The following SPRTN variants were observed in gnomAD, a reference collection of about 807,000 sequenced individuals.
SPRTN encodes DNA-dependent metalloprotease SPRTN.
A neutral mutation model predicts 31.9 loss-of-function variants in SPRTN; 11 were observed. That is an observed-to-expected ratio of 0.34 (90% confidence interval 0.22 to 0.57). The LOEUF is 0.57. Among genes scored for constraint, SPRTN ranks in the 20% least tolerant of loss-of-function variants. SPRTN has a pLI of 0.86. For missense variants in SPRTN, 482 were observed against 590.1 expected (o/e 0.82, Z 1.90); for synonymous variants, 185 against 212.1 (o/e 0.87, Z 1.11).
rs762633748 is a variant in SPRTN at position 231,352,669 on chromosome 1, C to G, written c.778C>G (p.Leu260Val). 56 of 1,613,406 alleles carry G rather than the reference C, an allele frequency of 3.5e-5. 1 individual carries two copies. Among genetic ancestry groups the G allele is most frequent in the Non-Finnish European group, 4.6e-5 (54 of 1,179,768 alleles). Residue 260 changes from leucine (L) to valine (V), a missense_variant, in exon 5 of 5, where the codon CTA becomes GTA. Physicochemically the swap from Leu to Val is conservative, Grantham distance 32 (BLOSUM62 1). Around this residue, in one of 2 missense-constraint regions of SPRTN, gnomAD observed 325 missense variants for 350.2 expected, o/e 0.93. Transcript: ENST00000295050. ...VIPFSGKGYVLGETSNLPSPG... is the reference protein window; with the variant it reads ...VIPFSGKGYVVGETSNLPSPG... ...CCCTTTTAGTGGGAAAGGATATGTT[C>G]TAGGAGAAACAAGCAATTTACCTTC...
At chr1:231,352,242 C>T (rs1482027019) in intron 4 of SPRTN, 2 of 1,005,492 alleles carry the variant, frequency 2.0e-6, no homozygotes, top group Non-Finnish European at 2.4e-6. Flanking sequence ...TATGGAAAGA[C>T]CGTATCTTCA....
intron 2 of SPRTN, among the ~76,000 whole-genome samples, chr1:231,347,500 T>A (rs1404760837): frequency 2.6e-5 from 4 of 152,004 alleles, no homozygotes; most frequent in African/African-American, 4.8e-5. Context: ...GTAGCTGGGA[T>A]TACAGGCATG....
rs780114530 is a variant in SPRTN, at chr1:231,339,872, T to A, written c.321+4T>A. On this transcript the variant is annotated splice_donor_region_variant and intron_variant, in intron 2 of 4. Transcript: ENST00000295050. ...GCCAAGAAAGGATCTTGTAGAGGTA[T>A]TTTTCGTGTAAACTTGCTTCCTAGC... The A allele has an allele frequency of 8.1e-6, 13 of 1,613,522 alleles. No homozygotes were observed. The highest frequency in any genetic ancestry group is 1.0e-5 in the Non-Finnish European group (12 of 1,179,668).
rs535278554 is a variant in SPRTN at position 231,340,055 on chromosome 1, A to C, written c.321+187A>C. 1,272 of 500,410 alleles carry C rather than the reference A, an allele frequency of 2.5e-3. 21 individuals carry two copies. Among genetic ancestry groups the C allele is most frequent in the Non-Finnish European group, 3.6e-3 (1,052 of 288,290 alleles). 31.0% of individuals were successfully genotyped at this position (500,410 alleles called of 1,614,324 possible). A position where few individuals can be genotyped will look rare whatever the true frequency, so the allele number is the denominator to read the frequency against. ...TTTATAGTGCTTCATAGTAAAAAAA[A>C]AAAAAACAAAAAAAAGGCTTCTAGG... On this transcript the variant is annotated intron_variant, in intron 2 of 4. Transcript: ENST00000295050.
intron 2 of SPRTN, among the ~76,000 whole-genome samples, chr1:231,343,379 C>G (rs1686961389): frequency 6.6e-6 from 1 of 152,042 alleles, no homozygotes; most frequent in Non-Finnish European, 1.5e-5. Context: ...TGTAAGTACA[C>G]TCTTAAGATG....
At position 231,352,926 on chromosome 1, in the gene SPRTN, T is replaced by C. The variant is rs534347066; in HGVS notation, c.1035T>C (p.Gly345=). The part of the protein sequence containing the change: ...VSFANQKAFR[G]VNGSPRISVT... ...TTGCCAACCAAAAGGCTTTCAGAGGTGTGAATGGATCTCCAAGGATAAGTG... is the reference window on the plus strand; with the variant it reads ...TTGCCAACCAAAAGGCTTTCAGAGGCGTGAATGGATCTCCAAGGATAAGTG... The change falls in exon 5 of 5, where the codon GGT becomes GGC. Residue 345 remains glycine, a synonymous_variant. Coordinates refer to ENST00000295050, the MANE Select transcript of SPRTN (RefSeq NM_032018.7). 111 of 1,614,072 alleles carry C rather than the reference T, an allele frequency of 6.9e-5. 2 individuals carry two copies. The South Asian group carries it at 1.1e-3, about 16-fold the overall frequency.
chr1:231,341,900 C>T (rs942891992), intron 2 of SPRTN, among the ~76,000 whole-genome samples: 2 of 152,118 alleles, frequency 1.3e-5, no homozygotes, highest in East Asian at 1.9e-4. Flanking sequence ...GCACAAGAAT[C>T]GCATGAACTC....
Position 231,353,357 on chromosome 1 carries a change from T to A in SPRTN, c.1466T>A (p.Leu489His), listed in dbSNP as rs1687299922. 1 of 1,574,846 alleles carries A rather than the reference T, an allele frequency of 6.3e-7. No homozygotes were observed. The highest frequency in any genetic ancestry group is 1.4e-5 in the African/African-American group (1 of 73,034). ...ATCAAAGTCAAAAGCGAAGAAAGTCTTTGAAAAAGGTTTCAAAGTCTCAAG... is the reference window on the plus strand; with the variant it reads ...ATCAAAGTCAAAAGCGAAGAAAGTCATTGAAAAAGGTTTCAAAGTCTCAAG... ...DSIKVKSEES[L>H] The change falls in exon 5 of 5, where the codon CTT (leucine) becomes CAT (histidine). Residue 489 changes from leucine to histidine, a missense_variant. Leu to His is a moderately conservative substitution (Grantham distance 99). Coordinates refer to ENST00000295050, the MANE Select transcript of SPRTN (RefSeq NM_032018.7).
intron 1 of SPRTN, 51 bp from the exon 2 acceptor site, chr1:231,339,718 C>G (rs1686805496): frequency 3.8e-6 from 6 of 1,582,918 alleles, no homozygotes; most frequent in Non-Finnish European, 5.2e-6. Context: ...TGTGTAAGGA[C>G]TTGGGCATAT....
In SPRTN at chr1:231,339,744, C is replaced by T. The variant is rs777051202; in HGVS notation, c.222-25C>T. ...TTGGGCATATTTGGCCAATGTAACACATTTTTATGGTGATTGTTTTCTAGG... is the reference window on the plus strand; with the variant it reads ...TTGGGCATATTTGGCCAATGTAACATATTTTTATGGTGATTGTTTTCTAGG... On this transcript the variant is annotated intron_variant, in intron 1 of 4. Coordinates refer to ENST00000295050, the MANE Select transcript of SPRTN (RefSeq NM_032018.7). 5 of 1,612,708 alleles carry T rather than the reference C, an allele frequency of 3.1e-6. No individual in the cohort carries two copies. In the African/African-American group the frequency reaches 6.7e-5, roughly 22 times the overall value.
chr1:231,344,557 A>G (rs1183277840), intron 2 of SPRTN: 1 of 178,278 alleles, frequency 5.6e-6, no homozygotes, highest in African/African-American at 2.4e-5. Flanking sequence ...GATACAGTTG[A>G]TAATTTTTAG....
intron 2 of SPRTN, among the ~76,000 whole-genome samples, chr1:231,340,284 A>G (rs565863698): frequency 1.5e-4 from 23 of 151,998 alleles, no homozygotes; most frequent in Admixed American, 2.0e-4. Context: ...GGAGAATGGC[A>G]TGAACTGAGG....
At position 231,354,072 on chromosome 1, in the gene SPRTN, C is replaced by A. The variant is rs1687321717; in HGVS notation, c.*711C>A. 3.1e-6 allele frequency: 3 copies of A among 981,268 alleles called. No individual in the cohort carries two copies. The Admixed American group carries it at 1.8e-4, about 60-fold the overall frequency. 60.8% of individuals were successfully genotyped at this position (981,268 alleles called of 1,614,324 possible). On this transcript the variant is annotated 3_prime_UTR_variant, in exon 5 of 5. Coordinates refer to ENST00000295050, the MANE Select transcript of SPRTN (RefSeq NM_032018.7). ...ATTTTATATTGAGTTTAGCTGTTTTCTCAAAATTTAGCAGAGTGGTTAAAA... is the reference window on the plus strand; with the variant it reads ...ATTTTATATTGAGTTTAGCTGTTTTATCAAAATTTAGCAGAGTGGTTAAAA...
At chr1:231,347,612 C>A in intron 2 of SPRTN, 185 bp from the exon 3 acceptor site, 3 of 630,660 alleles carry the variant, frequency 4.8e-6, no homozygotes, top group Non-Finnish European at 7.4e-6. Context: ...GACCCTCCCA[C>A]CTTTGCCTCC....
rs548889535 is a variant in SPRTN, at chr1:231,348,756, A to G, written c.450+831A>G. The stretch of plus-strand genomic sequence containing the variant: ...TCCCTCTTTTGAATCCTCAGCAGAT[A>G]TTTAAGCTATTACAATTTTTTATGC... On this transcript the variant is annotated intron_variant, in intron 3 of 4. Transcript: ENST00000295050. 3.9e-5 allele frequency among the ~76,000 whole-genome samples: 6 copies of G among 152,228 alleles called. No individual in the cohort carries two copies. The East Asian group carries it at 1.2e-3, about 29-fold the overall frequency.
At chr1:231,339,956 T>A in intron 2 of SPRTN, 88 bp downstream of exon 2, 2 of 1,309,666 alleles carry the variant, frequency 1.5e-6, no homozygotes, top group Non-Finnish European at 2.2e-6. Flanking sequence ...CCTGTATGTA[T>A]CGTTAAAAAA....
chr1:231,340,060 A>C, intron 2 of SPRTN, 192 bp downstream of exon 2: 8 of 495,838 alleles, frequency 1.6e-5, no homozygotes, highest in East Asian at 1.1e-4. Context: ...AAAAAAAAAA[A>C]ACAAAAAAAA....
chr1:231,351,346 C>T lies in SPRTN; in HGVS notation c.493C>T (p.His165Tyr). ...FHDEVDEYRR[H>Y]WWRCNGPCQH... ...CGATGAGGTGGATGAGTATCGGCGA[C>T]ACTGGTGGCGCTGCAATGGGCCGTG... Residue 165 changes from histidine to tyrosine, a missense_variant, in exon 4 of 5, where the codon CAC becomes TAC. Transcript: ENST00000295050. 1 of 1,613,550 alleles carries T rather than the reference C, an allele frequency of 6.2e-7. No individual in the cohort carries two copies. The highest frequency in any genetic ancestry group is 8.5e-7 in the Non-Finnish European group (1 of 1,179,716).
In SPRTN at chr1:231,354,185, G is replaced by T; in HGVS notation, c.*824G>T. On this transcript the variant is annotated 3_prime_UTR_variant, in exon 5 of 5. Transcript: ENST00000295050. ...AACAGTGGAAAGTTATCTGGAAATA[G>T]TATTTTGAACTTTAAGCCAAGTTTA... 1 of 984,030 alleles carries T rather than the reference G, an allele frequency of 1.0e-6. No individual in the cohort carries two copies. The highest frequency in any genetic ancestry group is 1.2e-6 in the Non-Finnish European group (1 of 828,674). 61.0% of individuals were successfully genotyped at this position (984,030 alleles called of 1,614,324 possible).
Sources: gnomAD v4.1 joint callset for allele counts (sites outside exome capture counted in the v4.1 genomes callset) on GRCh38, gnomAD v4.1.1 for gene constraint, gnomAD v4.1.1 regional missense constraint, MANE v1.5 for transcripts, NCBI Gene and HGNC (gene_info 2026-07-23, HGNC 2026-07-21) for gene names.